HEG1: variants seen among roughly 807,000 people sequenced by gnomAD.
HEG1 encodes heart development protein with EGF like domains 1.
HEG1 carries 56 observed loss-of-function variants against 125.6 expected under a neutral mutation model. The observed-to-expected ratio is 0.45, with a 90% CI of 0.36 to 0.56. The LOEUF (loss-of-function observed/expected upper bound fraction) is 0.56. Among genes scored for constraint, HEG1 ranks in the 20% least tolerant of loss-of-function variants. The probability of loss-of-function intolerance (pLI) is 0.00; values close to 1 mark genes in which losing one functional copy is unlikely to be tolerated. For synonymous variants in HEG1, 644 were observed against 668.5 expected (o/e 0.96, Z 0.57); for missense variants, 1,523 against 1,670.0 (o/e 0.91, Z 1.53).
chr3:124,986,103 A>T (rs992841756), intron 14 of HEG1, among the ~76,000 whole-genome samples: 1 of 152,150 alleles, frequency 6.6e-6, no homozygotes, highest in Non-Finnish European at 1.5e-5. Flanking sequence ...GTAAGGAGCA[A>T]GGACTGAAAT....
At chr3:125,018,541 A>G (rs1937287171) in intron 5 of HEG1, among the ~76,000 whole-genome samples, 1 of 152,218 alleles carries the variant, frequency 6.6e-6, no homozygotes, top group Admixed American at 6.5e-5. Context: ...TACCTCAATA[A>G]AGCTGGTTTT....
rs146325656 is a variant in HEG1, at chr3:124,993,962, C to T, written c.3653-2976G>A. Among the ~76,000 whole-genome samples, 387 of 152,274 alleles carry T rather than the reference C, an allele frequency of 2.5e-3. 1 individual carries two copies. Among genetic ancestry groups the T allele is most frequent in the Non-Finnish European group, 4.3e-3 (292 of 68,022 alleles). On this transcript the variant is annotated intron_variant, in intron 12 of 16. Transcript: ENST00000311127. ...GTGCCGTGGCGCTGTTCTGGGGAAA[C>T]CTTGTCAGTGAGGTGCTCCTGTGCT...
chr3:125,009,599 T>C (rs1175974507), intron 8 of HEG1, 106 bp downstream of exon 8: 2 of 1,203,008 alleles, frequency 1.7e-6, no homozygotes, highest in African/African-American at 3.0e-5. Context: ...CTTAAGTTTA[T>C]ACCTTGGACA....
chr3:124,993,963 C>A (rs1936874261), intron 12 of HEG1, among the ~76,000 whole-genome samples: 1 of 152,190 alleles, frequency 6.6e-6, no homozygotes, highest in Non-Finnish European at 1.5e-5. Flanking sequence ...CTGGGGAAAC[C>A]TTGTCAGTGA....
At chr3:125,036,121 G>A (rs1316917630) in intron 1 of HEG1, among the ~76,000 whole-genome samples, 1 of 146,626 alleles carries the variant, frequency 6.8e-6, no homozygotes, top group African/African-American at 2.5e-5. Context: ...AGGGTGGGAG[G>A]ACTGTTTGAG....
chr3:125,023,003 G>A (rs1937358498), intron 3 of HEG1, among the ~76,000 whole-genome samples: 1 of 152,126 alleles, frequency 6.6e-6, no homozygotes, highest in Non-Finnish European at 1.5e-5. Flanking sequence ...ACACCAGCCT[G>A]GCCAACATGG....
At chr3:124,987,950 CACATAT>C (rs1007170648) in intron 14 of HEG1, among the ~76,000 whole-genome samples, 10 of 84,012 alleles carry the variant, frequency 1.2e-4, no homozygotes, top group South Asian at 1.1e-3. Context: ...CACACACACA[CACATAT>C]ATATATATAT....
At chr3:125,027,119 T>C (rs1937425419) in intron 3 of HEG1, 86 bp downstream of exon 3, 7 of 1,231,758 alleles carry the variant, frequency 5.7e-6, no homozygotes, top group African/African-American at 1.5e-5. Flanking sequence ...CCCACTATTA[T>C]GAGTATGTAA....
At chr3:125,001,430 C>G (rs1936997575) in intron 11 of HEG1, among the ~76,000 whole-genome samples, 1 of 152,104 alleles carries the variant, frequency 6.6e-6, no homozygotes, top group Non-Finnish European at 1.5e-5. Flanking sequence ...AGGTGTGAGC[C>G]ACTGCCTCTG....
chr3:124,977,981 G>A, intron 14 of HEG1, 35 bp from the exon 15 acceptor site: 1 of 1,471,460 alleles, frequency 6.8e-7, no homozygotes, highest in Non-Finnish European at 9.3e-7. Context: ...CATATTGGCT[G>A]GAGGTAATGA....
At chr3:125,020,357 T>C (rs1347448396) in intron 4 of HEG1, among the ~76,000 whole-genome samples, 1 of 152,080 alleles carries the variant, frequency 6.6e-6, no homozygotes, top group Admixed American at 6.6e-5. Flanking sequence ...CCTGGAGAGG[T>C]TGAGGCTGCA....
At chr3:125,015,244 A>G (rs1365103286) in intron 5 of HEG1, among the ~76,000 whole-genome samples, 1 of 152,262 alleles carries the variant, frequency 6.6e-6, no homozygotes, top group Non-Finnish European at 1.5e-5. Context: ...AGGGTATATT[A>G]CTTTAGCAAA....
chr3:125,046,377 ATG>A (rs1340401235), intron 1 of HEG1, among the ~76,000 whole-genome samples: 1 of 139,072 alleles, frequency 7.2e-6, no homozygotes, highest in Non-Finnish European at 1.5e-5. Flanking sequence ...ATATATGTAT[ATG>A]TATATATATA....
At chr3:125,036,239 A>G (rs1294293620) in intron 1 of HEG1, among the ~76,000 whole-genome samples, 1 of 144,188 alleles carries the variant, frequency 6.9e-6, no homozygotes, top group African/African-American at 2.5e-5. Context: ...AAAGAAATGG[A>G]GTGTGTCACT....
At chr3:124,990,891 T>C in intron 13 of HEG1, 53 bp downstream of exon 13, 7 of 1,552,500 alleles carry the variant, frequency 4.5e-6, no homozygotes, top group Non-Finnish European at 6.1e-6. Context: ...AGTGAGGCAA[T>C]TTATCTAAAT....
At chr3:125,021,780 A>T (rs908494227) in intron 3 of HEG1, among the ~76,000 whole-genome samples, 2 of 152,236 alleles carry the variant, frequency 1.3e-5, no homozygotes, top group Non-Finnish European at 2.9e-5. Flanking sequence ...TAAGTAACAG[A>T]ATTTCTAACC....
In HEG1 at chr3:124,973,867, C is replaced by T; in HGVS notation, c.3860G>A (p.Ser1287Asn). ...ATACGGGGACATTTGGAAATCTCCA[C>T]TTTTGAAGATGAGTTTGCTTATGTC... Reference protein sequence around the residue: ...KNDISKLIFKSGDFQMSPYAE... With the variant: ...KNDISKLIFKNGDFQMSPYAE... Residue 1287 changes from serine to asparagine, a missense_variant, in exon 16 of 17, where the codon AGT becomes AAT. By Grantham distance (46) the Ser-to-Asn change is conservative. Transcript: ENST00000311127. The T allele has an allele frequency of 3.1e-6, 5 of 1,613,138 alleles. No individual in the cohort carries two copies. The highest frequency in any genetic ancestry group is 4.2e-6 in the Non-Finnish European group (5 of 1,179,382).
chr3:125,039,984 A>C (rs1302112431), intron 1 of HEG1, among the ~76,000 whole-genome samples: 2 of 152,246 alleles, frequency 1.3e-5, no homozygotes, highest in African/African-American at 4.8e-5. Context: ...ACTTGATTTG[A>C]CAACAGCTGC....
At chr3:124,998,555 T>C (rs1166023029) in intron 11 of HEG1, among the ~76,000 whole-genome samples, 1 of 152,252 alleles carries the variant, frequency 6.6e-6, no homozygotes, top group Non-Finnish European at 1.5e-5. Context: ...CGCCTGTCAC[T>C]GACCAGGCAG....
Sources: allele counts gnomAD v4.1 joint callset (sites outside exome capture counted in the v4.1 genomes callset), GRCh38; gene constraint gnomAD v4.1.1; transcripts MANE v1.5; gene names NCBI Gene and HGNC (gene_info 2026-07-23, HGNC 2026-07-21).